The following CAMTA1 variants were observed in gnomAD, a reference collection of about 807,000 sequenced individuals.
CAMTA1 encodes calmodulin binding transcription activator 1, also known as calmodulin-binding transcription activator 1.
Under a neutral mutation model 170.9 loss-of-function variants are expected in CAMTA1, and 27 were observed. That is an observed-to-expected ratio of 0.16 (90% CI 0.12 to 0.22). The LOEUF (loss-of-function observed/expected upper bound fraction) is 0.22. CAMTA1 is among the 10% of genes least tolerant of loss of function. The pLI is 1.00. For synonymous variants in CAMTA1, 833 were observed against 891.5 expected (o/e 0.93, Z 1.17); for missense variants, 1,619 against 2,217.2 (o/e 0.73, Z 5.42).
chr1:7,678,113 G>C (rs1446790634), intron 11 of CAMTA1, among the ~76,000 whole-genome samples: 2 of 152,250 alleles, frequency 1.3e-5, no homozygotes, highest in Non-Finnish European at 2.9e-5. Flanking sequence ...CTCCAGGCCT[G>C]TTTCCGCGGG....
At chr1:6,896,800 C>A (rs1443805259) in intron 3 of CAMTA1, among the ~76,000 whole-genome samples, 1 of 152,172 alleles carries the variant, frequency 6.6e-6, no homozygotes, top group African/African-American at 2.4e-5. Context: ...GAAGTATTTA[C>A]TTTGGTCTTG....
intron 3 of CAMTA1, among the ~76,000 whole-genome samples, chr1:7,076,567 C>T (rs1639331325): frequency 6.6e-6 from 1 of 152,168 alleles, no homozygotes; most frequent in Non-Finnish European, 1.5e-5. Context: ...AAAGGGAAGA[C>T]TGATATAGAC....
At chr1:7,523,160 T>C (rs1369281673) in intron 6 of CAMTA1, among the ~76,000 whole-genome samples, 1 of 152,214 alleles carries the variant, frequency 6.6e-6, no homozygotes, top group African/African-American at 2.4e-5. Context: ...AGCCACCGTG[T>C]CTGGCCCTGT....
At chr1:7,608,538 G>C (rs11587244) in intron 6 of CAMTA1, among the ~76,000 whole-genome samples, 16,685 of 152,166 alleles carry the variant, frequency 0.11, 1,080 homozygotes, top group Non-Finnish European at 0.13. Context: ...CTGTTTCACT[G>C]TCCCCAGCCC....
At chr1:7,753,971 T>C (rs968484000) in intron 21 of CAMTA1, among the ~76,000 whole-genome samples, 1 of 152,224 alleles carries the variant, frequency 6.6e-6, no homozygotes, top group African/African-American at 2.4e-5. Flanking sequence ...AGGCAGCCTC[T>C]TTCCTTTATT....
chr1:7,316,014 C>A (rs1183199885), intron 5 of CAMTA1, among the ~76,000 whole-genome samples: 2 of 152,200 alleles, frequency 1.3e-5, no homozygotes, highest in Non-Finnish European at 2.9e-5. Flanking sequence ...GAGAAGCAAG[C>A]TTGGACCTTC....
chr1:7,338,295 C>A (rs2083545627), intron 5 of CAMTA1, among the ~76,000 whole-genome samples: 1 of 152,130 alleles, frequency 6.6e-6, no homozygotes, highest in Non-Finnish European at 1.5e-5. Context: ...AATGACAATG[C>A]CACCTATAGA....
intron 3 of CAMTA1, among the ~76,000 whole-genome samples, chr1:7,057,729 A>C (rs1707577996): frequency 6.6e-6 from 1 of 152,182 alleles, no homozygotes; most frequent in Admixed American, 6.5e-5. Flanking sequence ...TCTGGGTTGA[A>C]ATACAGATGA....
intron 6 of CAMTA1, among the ~76,000 whole-genome samples, chr1:7,552,504 C>G (rs934725696): frequency 6.6e-6 from 1 of 152,230 alleles, no homozygotes; most frequent in African/African-American, 2.4e-5. Context: ...GCCTGACACA[C>G]AGGGGTGGGA....
chr1:7,765,679 C>A (rs540878141), intron 22 of CAMTA1, among the ~76,000 whole-genome samples: 1 of 152,148 alleles, frequency 6.6e-6, no homozygotes, highest in African/African-American at 2.4e-5. Flanking sequence ...TTCAAGAAAG[C>A]TAACAATCTT....
chr1:7,530,678 A>ACAGTAGGG (rs1485452219), intron 6 of CAMTA1, among the ~76,000 whole-genome samples: 1 of 152,150 alleles, frequency 6.6e-6, no homozygotes, highest in East Asian at 1.9e-4. Flanking sequence ...TATGGAGCAC[A>ACAGTAGGG]CAGTAGGGAC....
At chr1:6,819,839 C>T (rs1646280822) in intron 1 of CAMTA1, among the ~76,000 whole-genome samples, 1 of 152,236 alleles carries the variant, frequency 6.6e-6, no homozygotes, top group African/African-American at 2.4e-5. Flanking sequence ...GAAGTTAACA[C>T]TGAGACATTC....
intron 6 of CAMTA1, among the ~76,000 whole-genome samples, chr1:7,548,333 C>T (rs2094728595): frequency 6.6e-6 from 1 of 152,176 alleles, no homozygotes; most frequent in Non-Finnish European, 1.5e-5. Flanking sequence ...GGCAAGCCTC[C>T]TTAAGGAGGA....
intron 3 of CAMTA1, among the ~76,000 whole-genome samples, chr1:6,880,081 TTTA>T (rs1041091689): frequency 5.3e-4 from 80 of 151,778 alleles, no homozygotes; most frequent in African/African-American, 1.7e-3. Flanking sequence ...TTAAATTTTA[TTTA>T]TTTTTTATAT....
rs902902776 is a variant in CAMTA1 at position 7,332,880 on chromosome 1, C to T, written c.438+83254C>T. ...TAGGCTTGCAACCCCCATGGTTGCA[C>T]GAAGCGTGAGCTTGTGTGCTGAGAG... On this transcript the variant is annotated intron_variant, in intron 5 of 22. Coordinates refer to ENST00000303635, the MANE Select transcript of CAMTA1 (RefSeq NM_015215.4). Among the ~76,000 whole-genome samples, 10 of 152,288 alleles carry T rather than the reference C, an allele frequency of 6.6e-5. No homozygotes were observed. The South Asian group carries it at 8.3e-4, about 13-fold the overall frequency.
chr1:7,736,774 C>G lies in CAMTA1; in HGVS notation c.3264-157C>G, dbSNP rs1328003458. 1.3e-5 allele frequency among the ~76,000 whole-genome samples: 2 copies of G among 152,112 alleles called. No homozygotes were observed. The highest frequency in any genetic ancestry group is 4.8e-5 in the African/African-American group (2 of 41,418). On this transcript the variant is annotated intron_variant, in intron 13 of 22. Coordinates refer to ENST00000303635, the MANE Select transcript of CAMTA1 (RefSeq NM_015215.4). This position sits in a 1 kb window ranked among gnomAD's most constrained non-coding sequence, Gnocchi z 4.5. The stretch of plus-strand genomic sequence containing the variant: ...TTGTCATTTTCTTTGGACCCCTAGC[C>G]AAATGGAGCGTCCACACTGCCCTGG...
intron 3 of CAMTA1, among the ~76,000 whole-genome samples, chr1:6,928,321 A>G (rs1215672095): frequency 6.6e-6 from 1 of 152,166 alleles, no homozygotes; most frequent in African/African-American, 2.4e-5. Context: ...ATTGCTTCAA[A>G]GGGCAGGGAG....
intron 20 of CAMTA1, 102 bp downstream of exon 20, chr1:7,751,494 C>A: frequency 1.0e-6 from 1 of 987,872 alleles, no homozygotes. Flanking sequence ...TGGGGTGGGC[C>A]TAAAGCATTG....
chr1:7,032,272 T>G (rs1480061357), intron 3 of CAMTA1, among the ~76,000 whole-genome samples: 4 of 152,214 alleles, frequency 2.6e-5, no homozygotes, highest in Non-Finnish European at 4.4e-5. Flanking sequence ...GCCCCTTTTC[T>G]CTTTTTCTGC....
Sources: allele counts gnomAD v4.1 joint callset (sites outside exome capture counted in the v4.1 genomes callset), GRCh38; gene constraint gnomAD v4.1.1; non-coding constraint Gnocchi (gnomAD v3.1); transcripts MANE v1.5; gene names NCBI Gene and HGNC (gene_info 2026-07-23, HGNC 2026-07-21).